The following PRICKLE2 variants were observed in gnomAD, a reference collection of about 807,000 sequenced individuals.
The protein encoded by PRICKLE2 is prickle planar cell polarity protein 2.
Under a neutral mutation model 81.4 loss-of-function variants are expected in PRICKLE2, and 21 were observed. That is an observed-to-expected ratio of 0.26 (90% CI 0.18 to 0.37). The LOEUF is 0.37. Among genes scored for constraint, PRICKLE2 ranks in the 10% least tolerant of loss-of-function variants. PRICKLE2 has a pLI of 1.00. For synonymous variants in PRICKLE2, 456 were observed against 421.5 expected (o/e 1.08, Z -1.00); for missense variants, 940 against 1,109.0 (o/e 0.85, Z 2.16).
chr3:64,237,656 G>A (rs1191298235), intron 2 of PRICKLE2, among the ~76,000 whole-genome samples: 1 of 152,120 alleles, frequency 6.6e-6, no homozygotes, highest in East Asian at 1.9e-4. Context: ...AATTTGGGCA[G>A]GAAAACAGGA....
intron 7 of PRICKLE2, among the ~76,000 whole-genome samples, chr3:64,113,895 C>T (rs1427945125): frequency 6.6e-6 from 1 of 152,196 alleles, no homozygotes; most frequent in Non-Finnish European, 1.5e-5. Context: ...CAGCAGGGGC[C>T]CCCCACTCCA....
At chr3:64,184,154 A>G (rs955033964) in intron 2 of PRICKLE2, among the ~76,000 whole-genome samples, 4 of 152,238 alleles carry the variant, frequency 2.6e-5, no homozygotes, top group African/African-American at 9.6e-5. Flanking sequence ...CCTTACCAAG[A>G]AAAGTGTTTT....
rs567836926 is a variant in PRICKLE2 at position 64,110,832 on chromosome 3, C to T, written c.1661-10907G>A. Among the ~76,000 whole-genome samples the T allele has an allele frequency of 1.3e-4, 19 of 151,912 alleles. No individual in the cohort carries two copies. The South Asian group carries it at 1.5e-3, about 12-fold the overall frequency. ...GAGCCACACGGAGGTTCTTCCTAGT[C>T]CACTCTGGGTTTTAAAAGTGTCGGG... On this transcript the variant is annotated intron_variant, in intron 7 of 7. Transcript: ENST00000638394.
upstream of PRICKLE2, among the ~76,000 whole-genome samples, chr3:64,229,376 C>A (rs1287329203): frequency 4.6e-5 from 7 of 152,138 alleles, no homozygotes; most frequent in East Asian, 1.4e-3. Context: ...GTGGTAGCCT[C>A]CTAGATGAAG....
chr3:64,133,932 T>C (rs1187676879), intron 7 of PRICKLE2, among the ~76,000 whole-genome samples: 1 of 152,210 alleles, frequency 6.6e-6, no homozygotes, highest in Non-Finnish European at 1.5e-5. Context: ...ATTAGAATGA[T>C]TCCTGAGTTC....
chr3:64,157,745 C>T (rs1049796414), intron 4 of PRICKLE2, among the ~76,000 whole-genome samples: 4 of 152,006 alleles, frequency 2.6e-5, no homozygotes, highest in African/African-American at 9.7e-5. Flanking sequence ...GGTTTAACAC[C>T]ACCAGGAGTG....
chr3:64,202,528 T>C (rs1345272703), intron 1 of PRICKLE2, among the ~76,000 whole-genome samples: 1 of 152,182 alleles, frequency 6.6e-6, no homozygotes, highest in South Asian at 2.1e-4. Flanking sequence ...AGAATTGTTC[T>C]CAATTTCACT....
intron 7 of PRICKLE2, among the ~76,000 whole-genome samples, chr3:64,144,091 C>T (rs2077406014): frequency 6.6e-6 from 1 of 152,114 alleles, no homozygotes; most frequent in African/African-American, 2.4e-5. Context: ...CAACTCAGAG[C>T]CTCATTTTGT....
At chr3:64,151,376 A>G (rs2077544758) in intron 6 of PRICKLE2, among the ~76,000 whole-genome samples, 1 of 152,150 alleles carries the variant, frequency 6.6e-6, no homozygotes, top group African/African-American at 2.4e-5. Flanking sequence ...ATAGGAAAGG[A>G]GGAGAGAATG....
intron 7 of PRICKLE2, among the ~76,000 whole-genome samples, chr3:64,137,966 C>A (rs1314662261): frequency 6.6e-6 from 1 of 152,092 alleles, no homozygotes; most frequent in Non-Finnish European, 1.5e-5. Flanking sequence ...AGCCTGAAAC[C>A]CCTACGTTAA....
intron 1 of PRICKLE2, among the ~76,000 whole-genome samples, chr3:64,208,494 A>G (rs1296024868): frequency 6.6e-6 from 1 of 152,128 alleles, no homozygotes; most frequent in Non-Finnish European, 1.5e-5. Context: ...ATCAAATGGG[A>G]ATGTTCCAAG....
In PRICKLE2 at chr3:64,096,954, T is replaced by G. The variant is rs181914174; in HGVS notation, c.*2097A>C. On this transcript the variant is annotated 3_prime_UTR_variant, in exon 8 of 8. Coordinates refer to ENST00000638394, the MANE Select transcript of PRICKLE2 (RefSeq NM_198859.4). ...CAATCAAGGAACTTAAAACTCCAAA[T>G]TGGACTCGCACAATTTCTACCAGAA... 20 of 152,744 alleles carry G rather than the reference T, an allele frequency of 1.3e-4. No individual in the cohort carries two copies. In the East Asian group the frequency reaches 3.5e-3, roughly 27 times the overall value. 9.5% of individuals were successfully genotyped at this position (152,744 alleles called of 1,614,324 possible).
chr3:64,159,973 G>A lies in PRICKLE2; in HGVS notation c.363C>T (p.Phe121=), dbSNP rs762104365. The change falls in exon 4 of 8, where the codon TTC becomes TTT. Residue 121 remains phenylalanine (F), a synonymous_variant. Transcript: ENST00000638394. Reference sequence around the variant, plus strand: ...AAATAGCTCCTGTCATGGTGACTGGGAAAGGCCTGACATTCCCGCGGCCCA... The same window carrying A: ...AAATAGCTCCTGTCATGGTGACTGGAAAAGGCCTGACATTCCCGCGGCCCA... ...ENLGRGNVRP[F]PVTMTGAICE... 41 of 1,614,006 alleles carry A rather than the reference G, an allele frequency of 2.5e-5. No homozygotes were observed. Among genetic ancestry groups the A allele is most frequent in the African/African-American group, 6.7e-5 (5 of 74,910 alleles).
chr3:64,243,841 T>C (rs1260824943), intron 2 of PRICKLE2, among the ~76,000 whole-genome samples: 1 of 152,200 alleles, frequency 6.6e-6, no homozygotes, highest in African/African-American at 2.4e-5. Context: ...CCCAGTCTAC[T>C]TGTCCAAGAA....
intron 2 of PRICKLE2, among the ~76,000 whole-genome samples, chr3:64,180,823 G>A (rs1191936638): frequency 2.6e-5 from 4 of 152,218 alleles, no homozygotes; most frequent in Non-Finnish European, 2.9e-5. Flanking sequence ...GTGAGCCACC[G>A]CCCAGCTGAG....
chr3:64,223,599 C>T (rs538342341), intron 1 of PRICKLE2, among the ~76,000 whole-genome samples: 4 of 152,100 alleles, frequency 2.6e-5, no homozygotes. Flanking sequence ...CTGAGATGCC[C>T]GATGGAGCCA....
chr3:64,250,492 C>G (rs2079430886), intron 2 of PRICKLE2, among the ~76,000 whole-genome samples: 1 of 151,862 alleles, frequency 6.6e-6, no homozygotes, highest in South Asian at 2.1e-4. Flanking sequence ...AAACTGACAA[C>G]CAGAGCATCC....
chr3:64,208,447 G>A lies in PRICKLE2; in HGVS notation c.-40-9480C>T, dbSNP rs540347573. ...AAGCGGAGAGTCAGAACGCCAGAAA[G>A]GAAGGAAGAAAATATATTCGTAGAG... On this transcript the variant is annotated intron_variant, in intron 1 of 7. Coordinates refer to ENST00000638394, the MANE Select transcript of PRICKLE2 (RefSeq NM_198859.4). Among the ~76,000 whole-genome samples, 14 of 152,264 alleles carry A rather than the reference G, an allele frequency of 9.2e-5. No homozygotes were observed. In the South Asian group the frequency reaches 2.9e-3, roughly 32 times the overall value.
intron 3 of PRICKLE2, among the ~76,000 whole-genome samples, chr3:64,160,382 C>A (rs2306381): frequency 0.11 from 16,893 of 152,224 alleles, 1,194 homozygotes; most frequent in East Asian, 0.22. Flanking sequence ...ATGTTAAGAT[C>A]AAATCATCTG....
Sources: allele counts gnomAD v4.1 joint callset (sites outside exome capture counted in the v4.1 genomes callset), GRCh38; gene constraint gnomAD v4.1.1; transcripts MANE v1.5; gene names NCBI Gene and HGNC (gene_info 2026-07-23, HGNC 2026-07-21).